Variants in ADAMTS2 observed in about 807,000 individuals in gnomAD.
ADAMTS2 encodes ADAM metallopeptidase with thrombospondin type 1 motif 2, also known as A disintegrin and metalloproteinase with thrombospondin motifs 2.
ADAMTS2 carries 50 observed loss-of-function variants against 123.0 expected under a neutral mutation model. The ratio of observed to expected loss-of-function variants is 0.41; its 90% CI spans 0.32 to 0.51. The LOEUF (loss-of-function observed/expected upper bound fraction) is 0.51, where lower values mean the gene tolerates loss of function less well. Among genes scored for constraint, ADAMTS2 ranks in the 20% least tolerant of loss-of-function variants. The pLI is 0.35. For synonymous variants in ADAMTS2, 678 were observed against 695.4 expected (o/e 0.98, Z 0.39); for missense variants, 1,494 against 1,705.2 (o/e 0.88, Z 2.18).
At chr5:179,287,176 G>A (rs1015040526) in intron 2 of ADAMTS2, among the ~76,000 whole-genome samples, 10 of 152,114 alleles carry the variant, frequency 6.6e-5, no homozygotes, top group African/African-American at 2.2e-4. Context: ...TGGACAGGCC[G>A]GAAGGTCAAT....
At chr5:179,286,341 G>C (rs917428111) in intron 2 of ADAMTS2, among the ~76,000 whole-genome samples, 4 of 151,846 alleles carry the variant, frequency 2.6e-5, no homozygotes, top group African/African-American at 9.7e-5. Context: ...TGCCTCCTTG[G>C]AGGTCTGCAC....
At chr5:179,141,306 A>G (rs1763166080) in intron 10 of ADAMTS2, among the ~76,000 whole-genome samples, 1 of 152,208 alleles carries the variant, frequency 6.6e-6, no homozygotes, top group Non-Finnish European at 1.5e-5. Flanking sequence ...CTCTGTTGCA[A>G]TTAATCAATT....
Position 179,140,021 on chromosome 5 carries a change from T to C in ADAMTS2, c.1644A>G (p.Gly548=), listed in dbSNP as rs61731454. ...TGTCAGGTGTCAGCCAGATGCAGTGTCCTTTAAAACAATGCTGAAAGACAG... is the reference window on the plus strand; with the variant it reads ...TGTCAGGTGTCAGCCAGATGCAGTGCCCTTTAAAACAATGCTGAAAGACAG... The part of the protein sequence containing the change: ...MCAPGKHCFK[G]HCIWLTPDIL... Residue 548 remains glycine, a synonymous_variant, in exon 11 of 22, where the codon GGA becomes GGG. Transcript: ENST00000251582. 1.4e-3 allele frequency: 2,311 copies of C among 1,613,978 alleles called. 30 individuals are homozygous for C. The African/African-American group carries it at 0.026, about 18-fold the overall frequency.
chr5:179,318,426 G>C (rs1757062507), intron 2 of ADAMTS2, among the ~76,000 whole-genome samples: 1 of 151,830 alleles, frequency 6.6e-6, no homozygotes, highest in African/African-American at 2.4e-5. Flanking sequence ...TGCCGGGCGG[G>C]GCGGGGACAG....
At position 179,113,655 on chromosome 5, in the gene ADAMTS2, T is replaced by G. The variant is rs10479525; in HGVS notation, c.*212A>C. ...CACTGCACACCTGACGCCACCACAG[T>G]ATTTGGTCGCTCCTGGGCTGGGAAG... On this transcript the variant is annotated 3_prime_UTR_variant, in exon 22 of 22. Coordinates refer to ENST00000251582, the MANE Select transcript of ADAMTS2 (RefSeq NM_014244.5). 253,439 of 595,320 alleles carry G rather than the reference T, an allele frequency of 0.43. 56,712 individuals are homozygous for G. The highest frequency in any genetic ancestry group is 0.67 in the African/African-American group (36,151 of 53,838). The allele number at this position is 595,320 out of a possible 1,614,324, so 36.9% of individuals were successfully genotyped here. A position where few individuals can be genotyped will look rare whatever the true frequency, so the allele number is the denominator to read the frequency against.
At chr5:179,336,104 C>T (rs938376571) in intron 2 of ADAMTS2, among the ~76,000 whole-genome samples, 1 of 152,140 alleles carries the variant, frequency 6.6e-6, no homozygotes, top group Non-Finnish European at 1.5e-5. Flanking sequence ...GAAGGCTGGT[C>T]CCCCCAACAC....
rs113280331 is a variant in ADAMTS2, at chr5:179,162,215, A to C, written c.976-3336T>G. Among the ~76,000 whole-genome samples the C allele has an allele frequency of 7.2e-5, 11 of 151,948 alleles. No homozygotes were observed. Among genetic ancestry groups the C allele is most frequent in the African/African-American group, 2.7e-4 (11 of 41,382 alleles). ...CCTGCCCTTGTTTCCCTTTCGTGAA[A>C]CTTCCCCTCCTTTAATCTGAGTCAG... On this transcript the variant is annotated intron_variant, in intron 5 of 21. Coordinates refer to ENST00000251582, the MANE Select transcript of ADAMTS2 (RefSeq NM_014244.5). This position sits in a 1 kb window ranked among gnomAD's most constrained non-coding sequence, Gnocchi z 5.1.
rs78442233 is a variant in ADAMTS2 at position 179,143,181 on chromosome 5, C to G, written c.1630-3146G>C. ...GAGTGCAATGGCTCACACCTGTAGT[C>G]CCAGCACTTTGGGAGGCCGAGGGGG... On this transcript the variant is annotated intron_variant, in intron 10 of 21. Coordinates refer to ENST00000251582, the MANE Select transcript of ADAMTS2 (RefSeq NM_014244.5). Among the ~76,000 whole-genome samples the G allele has an allele frequency of 6.9e-3, 1,051 of 152,244 alleles. 13 individuals carry two copies. The highest frequency in any genetic ancestry group is 0.024 in the African/African-American group (995 of 41,550).
At chr5:179,336,536 G>A (rs538294457) in intron 2 of ADAMTS2, among the ~76,000 whole-genome samples, 14 of 152,210 alleles carry the variant, frequency 9.2e-5, no homozygotes, top group African/African-American at 3.4e-4. Context: ...GAACCACAAG[G>A]CACAGAGTTG....
In ADAMTS2 at chr5:179,206,501, T is replaced by C. The variant is rs534192445; in HGVS notation, c.891+1012A>G. ...GCACGGGGTTCTAGAACTTCCCACC[T>C]GCCCGGCTTCCACACCACCTCCAGC... On this transcript the variant is annotated intron_variant, in intron 4 of 21. Transcript: ENST00000251582. 7.2e-5 allele frequency among the ~76,000 whole-genome samples: 11 copies of C among 152,302 alleles called. No homozygotes were observed. In the South Asian group the frequency reaches 1.9e-3, roughly 26 times the overall value.
rs1765696145 is a variant in ADAMTS2 at position 179,242,723 on chromosome 5, G to C, written c.688+30188C>G. Among the ~76,000 whole-genome samples, 1 of 152,198 alleles carries C rather than the reference G, an allele frequency of 6.6e-6. No homozygotes were observed. The highest frequency in any genetic ancestry group is 1.5e-5 in the Non-Finnish European group (1 of 68,042). On this transcript the variant is annotated intron_variant, in intron 3 of 21. Coordinates refer to ENST00000251582, the MANE Select transcript of ADAMTS2 (RefSeq NM_014244.5). The surrounding 1 kb of genome is among the most constrained non-coding windows in gnomAD (Gnocchi z 4.2). Reference sequence around the variant, plus strand: ...GCTTATGGGGAGTTCCACTCTGGGGGTGTGTGGCCAAGAACACAGGGCTCC... The same window carrying C: ...GCTTATGGGGAGTTCCACTCTGGGGCTGTGTGGCCAAGAACACAGGGCTCC...
intron 10 of ADAMTS2, among the ~76,000 whole-genome samples, chr5:179,149,457 TG>T (rs1458663390): frequency 6.6e-6 from 1 of 152,182 alleles, no homozygotes; most frequent in Non-Finnish European, 1.5e-5. Context: ...GAGTGTGAGC[TG>T]TCCTGGCACC....
At position 179,152,239 on chromosome 5, in the gene ADAMTS2, G is replaced by A; in HGVS notation, c.1532C>T (p.Pro511Leu). ...MMCTAFRTFD[P>L]CKQLWCSHPD... ...ATGGCTGCACCACAGCTGCTTGCAG[G>A]GGTCAAAGGTCCGGAACTGGAAGAC... The change falls in exon 10 of 22, where the codon CCC (proline) becomes CTC (leucine). Residue 511 changes from proline (P) to leucine (L), a missense_variant. Physicochemically the swap from Pro to Leu is moderately conservative, Grantham distance 98. This residue lies in a region of ADAMTS2 where 953 missense variants were observed against 1,124.7 expected (regional missense o/e 0.85). Coordinates refer to ENST00000251582, the MANE Select transcript of ADAMTS2 (RefSeq NM_014244.5). 1 of 1,614,016 alleles carries A rather than the reference G, an allele frequency of 6.2e-7. No individual in the cohort carries two copies. Among genetic ancestry groups the A allele is most frequent in the Non-Finnish European group, 8.5e-7 (1 of 1,179,896 alleles).
Position 179,133,306 on chromosome 5 carries a change from C to A in ADAMTS2, c.2086-406G>T, listed in dbSNP as rs527978443. Among the ~76,000 whole-genome samples, 3 of 152,212 alleles carry A rather than the reference C, an allele frequency of 2.0e-5. No homozygotes were observed. In the East Asian group the frequency reaches 5.8e-4, roughly 29 times the overall value. On this transcript the variant is annotated intron_variant, in intron 13 of 21. Coordinates refer to ENST00000251582, the MANE Select transcript of ADAMTS2 (RefSeq NM_014244.5). ...TTTTTGAGACGGAATCTTGCTCTGT[C>A]GCCCAGGCTGGAGTACAATGGTGCA...
In ADAMTS2 at chr5:179,122,732, C is replaced by T. The variant is rs898087922; in HGVS notation, c.3000G>A (p.Val1000=). 9 of 1,553,382 alleles carry T rather than the reference C, an allele frequency of 5.8e-6. No individual in the cohort carries two copies. The highest frequency in any genetic ancestry group is 7.8e-6 in the Non-Finnish European group (9 of 1,148,690). The change falls in exon 20 of 22, where the codon GTG becomes GTA. Residue 1000 remains valine, a synonymous_variant. Transcript: ENST00000251582. Reference sequence around the variant, plus strand: ...AGCTGTCGTCCGCGGTGCGGCAGAGCACTGGCCGCTCCTGGGTGCCGTTGC... The same window carrying T: ...AGCTGTCGTCCGCGGTGCGGCAGAGTACTGGCCGCTCCTGGGTGCCGTTGC... ...TCGNGTQERP[V]LCRTADDSFG... is the part of the protein sequence containing the mutation.
At position 179,312,318 on chromosome 5, in the gene ADAMTS2, T is replaced by C. The variant is rs1429763217; in HGVS notation, c.534+31449A>G. Among the ~76,000 whole-genome samples the C allele has an allele frequency of 6.6e-6, 1 of 152,044 alleles. No individual in the cohort carries two copies. Among genetic ancestry groups the C allele is most frequent in the Non-Finnish European group, 1.5e-5 (1 of 68,010 alleles). ...GTTGAAAGCTACTCCCCCAAGGTGA[T>C]ATATTAGGAAGTGGGGCCTTTGGGA... On this transcript the variant is annotated intron_variant, in intron 2 of 21. Coordinates refer to ENST00000251582, the MANE Select transcript of ADAMTS2 (RefSeq NM_014244.5). This position sits in a 1 kb window ranked among gnomAD's most constrained non-coding sequence, Gnocchi z 4.2.
intron 10 of ADAMTS2, among the ~76,000 whole-genome samples, chr5:179,149,669 A>C (rs1269831176): frequency 2.0e-5 from 3 of 152,234 alleles, no homozygotes; most frequent in Non-Finnish European, 4.4e-5. Context: ...TTCCAGATGT[A>C]AAATCACAGC....
Position 179,345,392 on chromosome 5 carries a change from C to G in ADAMTS2, c.-64G>C. On this transcript the variant is annotated 5_prime_UTR_variant, in exon 1 of 22. Coordinates refer to ENST00000251582, the MANE Select transcript of ADAMTS2 (RefSeq NM_014244.5). The surrounding 1 kb of genome is among the most constrained non-coding windows in gnomAD (Gnocchi z 7.5). ...GGCGCGAAAGTTCCCCGCGAGCCGCCCAGCCCACATCTGGGGGCAGCTGGA... is the reference window on the plus strand; with the variant it reads ...GGCGCGAAAGTTCCCCGCGAGCCGCGCAGCCCACATCTGGGGGCAGCTGGA... 9.1e-7 allele frequency: 1 copy of G among 1,098,636 alleles called. No individual in the cohort carries two copies. The highest frequency in any genetic ancestry group is 1.1e-6 in the Non-Finnish European group (1 of 902,604). The allele number at this position is 1,098,636 out of a possible 1,614,324, so 68.1% of individuals were successfully genotyped here. A position where few individuals can be genotyped will look rare whatever the true frequency, so the allele number is the denominator to read the frequency against.
chr5:179,276,477 T>G (rs1317052769), intron 2 of ADAMTS2, among the ~76,000 whole-genome samples: 2 of 152,196 alleles, frequency 1.3e-5, no homozygotes, highest in Admixed American at 1.3e-4. Flanking sequence ...AGGCAAGGTG[T>G]CAAGCTCCCC....
Sources: allele counts gnomAD v4.1 joint callset (sites outside exome capture counted in the v4.1 genomes callset), GRCh38; gene constraint gnomAD v4.1.1; regional missense constraint gnomAD v4.1.1; non-coding constraint Gnocchi (gnomAD v3.1); transcripts MANE v1.5; gene names NCBI Gene and HGNC (gene_info 2026-07-23, HGNC 2026-07-21).